The following ELOA variants were observed in gnomAD, a reference collection of about 807,000 sequenced individuals.
ELOA encodes the protein elongin-A.
ELOA carries 15 observed loss-of-function variants against 85.2 expected under a neutral mutation model. The observed-to-expected ratio is 0.18, with a 90% CI of 0.12 to 0.27. The LOEUF is 0.27. Among genes scored for constraint, ELOA ranks in the 10% least tolerant of loss-of-function variants. The pLI, the probability that ELOA is intolerant of heterozygous loss-of-function variation, is 1.00. For missense variants in ELOA, 769 were observed against 952.7 expected, an observed-to-expected ratio of 0.81 and a Z score of 2.54; for synonymous variants, 348 against 357.2, an observed-to-expected ratio of 0.97 and a Z score of 0.29.
At chr1:23,752,602 A>C in intron 5 of ELOA, 84 bp downstream of exon 5, 1 of 1,372,376 alleles carries the variant, frequency 7.3e-7, no homozygotes, top group Non-Finnish European at 1.0e-6. Context: ...CACACCTATA[A>C]TTCCAGCACT....
chr1:23,752,663 C>A, intron 5 of ELOA, 145 bp downstream of exon 5: 2 of 800,190 alleles, frequency 2.5e-6, no homozygotes, highest in Non-Finnish European at 1.9e-6. Context: ...TCTAAACCAA[C>A]CAGGCGTGGT....
In ELOA at chr1:23,757,034, G is replaced by A. The variant is rs112674046; in HGVS notation, c.2166G>A (p.Pro722=). 2.5e-5 allele frequency: 40 copies of A among 1,610,712 alleles called. 1 individual carries two copies. In the Middle Eastern group the frequency reaches 5.0e-4, roughly 20 times the overall value. ...GCTTTAACCCCAGCCCTGAGGAGCCGGCCTATGATGGCCCAAGCACCAGCA... is the reference window on the plus strand; with the variant it reads ...GCTTTAACCCCAGCCCTGAGGAGCCAGCCTATGATGGCCCAAGCACCAGCA... ...SISFNPSPEE[P]AYDGPSTSSA... Residue 722 remains proline, a synonymous_variant, in exon 10 of 11, where the codon CCG becomes CCA. Coordinates refer to ENST00000613537, the MANE Select transcript of ELOA (RefSeq NM_003198.3).
Position 23,752,007 on chromosome 1 carries a change from G to A in ELOA, c.1402G>A (p.Ala468Thr). ...NKTKSEKPAG[A>T]DLAKLRKVPD... is the part of the protein sequence containing the mutation. ...AACCAAGTCAGAGAAGCCGGCTGGA[G>A]CTGATTTAGCCAAGCTGAGAAAGGT... is the stretch of plus-strand genomic sequence containing the variant. Residue 468 changes from alanine (A) to threonine (T), a missense_variant, in exon 4 of 11, where the codon GCT becomes ACT. Physicochemically the swap from Ala to Thr is moderately conservative, Grantham distance 58. Around this residue, in one of 4 missense-constraint regions of ELOA, gnomAD observed 193 missense variants for 278.9 expected, o/e 0.69. Coordinates refer to ENST00000613537, the MANE Select transcript of ELOA (RefSeq NM_003198.3). The A allele has an allele frequency of 6.2e-7, 1 of 1,602,396 alleles. No individual in the cohort carries two copies. Among genetic ancestry groups the A allele is most frequent in the Non-Finnish European group, 8.5e-7 (1 of 1,177,066 alleles).
At chr1:23,754,298 A>C (rs1644785377) in intron 6 of ELOA, 43 bp downstream of exon 6, 6 of 1,612,564 alleles carry the variant, frequency 3.7e-6, no homozygotes, top group Non-Finnish European at 5.1e-6. Context: ...ACATTGTAGC[A>C]CTTGGACCTT....
chr1:23,755,980 A>G lies in ELOA; in HGVS notation c.1929A>G (p.Val643=), dbSNP rs755129891. The G allele has an allele frequency of 6.2e-7, 1 of 1,613,956 alleles. No individual in the cohort carries two copies. Among genetic ancestry groups the G allele is most frequent in the South Asian group, 1.1e-5 (1 of 91,066 alleles). ...ACGCCCGAGAGCAGCGGCTACGAGTACTAACAAAGAATATCCAGTTCGCAC... is the reference window on the plus strand; with the variant it reads ...ACGCCCGAGAGCAGCGGCTACGAGTGCTAACAAAGAATATCCAGTTCGCAC... The part of the protein sequence containing the change: ...LQDAREQRLR[V]LTKNIQFAHA... Residue 643 remains valine, a synonymous_variant, in exon 8 of 11, where the codon GTA becomes GTG. Transcript: ENST00000613537.
intron 2 of ELOA, 59 bp downstream of exon 2, chr1:23,749,136 G>A (rs1644758588): frequency 1.4e-6 from 2 of 1,432,236 alleles, no homozygotes; most frequent in Admixed American, 3.4e-5. Flanking sequence ...TCTCACTGGA[G>A]AGTGTGTAGA....
intron 5 of ELOA, 102 bp from the exon 6 acceptor site, chr1:23,753,998 G>A: frequency 1.4e-6 from 2 of 1,402,654 alleles, no homozygotes; most frequent in Non-Finnish European, 1.9e-6. Context: ...AAAATCTGTA[G>A]CGTGGATTGC....
intron 3 of ELOA, among the ~76,000 whole-genome samples, chr1:23,750,245 G>T: frequency 7.7e-6 from 1 of 129,490 alleles, no homozygotes; most frequent in African/African-American, 2.9e-5. Context: ...GCGTGATCTC[G>T]GCTCACTGCA....
rs1164157625 is a variant in ELOA, at chr1:23,743,597, C to T, written c.75+19C>T. The T allele has an allele frequency of 2.0e-6, 3 of 1,475,652 alleles. No homozygotes were observed. The highest frequency in any genetic ancestry group is 3.0e-5 in the East Asian group (1 of 33,624). The allele number at this position is 1,475,652 out of a possible 1,614,324, so 91.4% of individuals were successfully genotyped here. On this transcript the variant is annotated intron_variant, in intron 1 of 10. Transcript: ENST00000613537. ...TAAGAAGGTAAGCGAGGGGGCGGCGCGTAGCGGGATGGGCGTTGGGTCGGT... is the reference window on the plus strand; with the variant it reads ...TAAGAAGGTAAGCGAGGGGGCGGCGTGTAGCGGGATGGGCGTTGGGTCGGT...
At chr1:23,759,049 TA>T (rs1412075243) in intron 10 of ELOA, among the ~76,000 whole-genome samples, 1 of 150,738 alleles carries the variant, frequency 6.6e-6, no homozygotes, top group Non-Finnish European at 1.5e-5. Context: ...CTACAGAAAA[TA>T]AAAAAAAATT....
At chr1:23,755,780 A>C (rs1644791625) in intron 7 of ELOA, 63 bp from the exon 8 acceptor site, 2 of 328,642 alleles carry the variant, frequency 6.1e-6, no homozygotes, top group Non-Finnish European at 8.5e-6. Context: ...ACTCTGTCTC[A>C]AAAAAAAAAA....
At chr1:23,756,871 T>A (rs1398526370) in intron 9 of ELOA, 82 bp from the exon 10 acceptor site, 1 of 1,378,388 alleles carries the variant, frequency 7.3e-7, no homozygotes, top group Non-Finnish European at 9.5e-7. Context: ...TGAGTCATCC[T>A]CACACAGGCC....
At chr1:23,746,687 G>A (rs1023521753) in intron 1 of ELOA, among the ~76,000 whole-genome samples, 2 of 151,312 alleles carry the variant, frequency 1.3e-5, no homozygotes, top group African/African-American at 4.9e-5. Flanking sequence ...ACATTTTGAT[G>A]GCAGGTGACA....
chr1:23,749,710 T>A (rs979381127), intron 2 of ELOA, 132 bp from the exon 3 acceptor site: 4 of 727,376 alleles, frequency 5.5e-6, no homozygotes, highest in Non-Finnish European at 8.9e-6. Context: ...TAATTTAGTG[T>A]TAAGATTTGC....
chr1:23,758,708 C>T (rs561742618), intron 10 of ELOA, among the ~76,000 whole-genome samples: 1 of 151,652 alleles, frequency 6.6e-6, no homozygotes, highest in South Asian at 2.1e-4. Context: ...TTGCAGGGCC[C>T]ATGGGAGGGT....
chr1:23,758,850 G>C (rs1638250696), intron 10 of ELOA, among the ~76,000 whole-genome samples: 1 of 151,912 alleles, frequency 6.6e-6, no homozygotes, highest in Non-Finnish European at 1.5e-5. Flanking sequence ...TAGACGTGCT[G>C]TTTACTGGTT....
At chr1:23,754,341 T>C in intron 6 of ELOA, 22 bp from the exon 7 acceptor site, 1 of 1,614,150 alleles carries the variant, frequency 6.2e-7, no homozygotes, top group Non-Finnish European at 8.5e-7. Context: ...ACTCAGTGTC[T>C]TCACCTTTGG....
Position 23,761,103 on chromosome 1 carries a change from A to G in ELOA, c.*1530A>G, listed in dbSNP as rs900981442. The G allele has an allele frequency of 2.0e-5, 3 of 152,214 alleles. No individual in the cohort carries two copies. Among genetic ancestry groups the G allele is most frequent in the African/African-American group, 7.2e-5 (3 of 41,452 alleles). The allele number at this position is 152,214 out of a possible 1,614,324, so 9.4% of individuals were successfully genotyped here. The stretch of plus-strand genomic sequence containing the variant: ...AATTCCAGAGCAACGTAGGAAGTCT[A>G]TTCAGCAGAAACTCGACATTGTTCA... On this transcript the variant is annotated 3_prime_UTR_variant, in exon 11 of 11. Transcript: ENST00000613537.
In ELOA at chr1:23,756,370, T is replaced by C. The variant is rs369945975; in HGVS notation, c.2069T>C (p.Val690Ala). The part of the protein sequence containing the change: ...QEKFGTGGAA[V>A]PEKIKIKPAP... ...AAGTTTGGAACGGGAGGAGCAGCTGTCCCTGAGAAAATCAAGTAAGATCTG... is the reference window on the plus strand; with the variant it reads ...AAGTTTGGAACGGGAGGAGCAGCTGCCCCTGAGAAAATCAAGTAAGATCTG... The change falls in exon 9 of 11, where the codon GTC (valine) becomes GCC (alanine). Residue 690 changes from valine to alanine, a missense_variant. Coordinates refer to ENST00000613537, the MANE Select transcript of ELOA (RefSeq NM_003198.3). The C allele has an allele frequency of 6.3e-7, 1 of 1,575,354 alleles. No individual in the cohort carries two copies.
Sources: gnomAD v4.1 joint callset for allele counts (sites outside exome capture counted in the v4.1 genomes callset) on GRCh38, gnomAD v4.1.1 for gene constraint, gnomAD v4.1.1 regional missense constraint, MANE v1.5 for transcripts, NCBI Gene and HGNC (gene_info 2026-07-23, HGNC 2026-07-21) for gene names.